Variants in ELP4 observed in about 807,000 individuals in gnomAD.
ELP4 encodes elongator acetyltransferase complex subunit 4, also known as elongator complex protein 4.
In ELP4, 51 loss-of-function variants were observed where a neutral mutation model predicts 48.9. That is an observed-to-expected ratio of 1.04 (90% CI 0.83 to 1.32). ELP4 has a LOEUF of 1.32. Ranked by LOEUF, ELP4 falls within the 40% of genes most tolerant of loss-of-function variation. The pLI is 0.00. For missense variants in ELP4, 519 were observed against 514.6 expected (o/e 1.01, Z -0.08); for synonymous variants, 210 against 189.2 (o/e 1.11, Z -0.90).
At chr11:31,644,537 CT>C (rs1945163562) in intron 7 of ELP4, among the ~76,000 whole-genome samples, 1 of 151,778 alleles carries the variant, frequency 6.6e-6, no homozygotes. Context: ...TTTCTGAACA[CT>C]GCTGGTTATA....
At chr11:31,579,413 G>T (rs1159833975) in intron 3 of ELP4, among the ~76,000 whole-genome samples, 1 of 152,256 alleles carries the variant, frequency 6.6e-6, no homozygotes, top group Admixed American at 6.5e-5. Context: ...AATACCATTA[G>T]ACCCAGCCAT....
At chr11:31,549,890 A>G (rs2133925669) in intron 3 of ELP4, among the ~76,000 whole-genome samples, 1 of 152,346 alleles carries the variant, frequency 6.6e-6, no homozygotes, top group East Asian at 1.9e-4. Flanking sequence ...CGCAAGAACA[A>G]AAACCAAACA....
intron 9 of ELP4, chr11:31,654,458 A>T (rs1945385562): frequency 1.3e-5 from 2 of 151,800 alleles, no homozygotes; most frequent in Non-Finnish European, 2.9e-5. Flanking sequence ...TTCTCACAAA[A>T]TAATTGACCA....
At chr11:31,770,406 G>T (rs979805922) in intron 9 of ELP4, among the ~76,000 whole-genome samples, 26 of 152,106 alleles carry the variant, frequency 1.7e-4, no homozygotes, top group African/African-American at 5.6e-4. Flanking sequence ...ACATGATGCT[G>T]CTGGAGAGAG....
At chr11:31,702,327 CAATAATAATAAT>C (rs36220373) in intron 9 of ELP4, among the ~76,000 whole-genome samples, 2 of 151,276 alleles carry the variant, frequency 1.3e-5, no homozygotes, top group Non-Finnish European at 2.9e-5. Context: ...ATAACAATAA[CAATAATAATAAT>C]AATAATAACA....
In ELP4 at chr11:31,783,662, T is replaced by A. The variant is rs1948429787; in HGVS notation, c.*138T>A. 5 of 813,384 alleles carry A rather than the reference T, an allele frequency of 6.1e-6. No individual in the cohort carries two copies. The South Asian group carries it at 1.5e-4, about 25-fold the overall frequency. 50.4% of individuals were successfully genotyped at this position (813,384 alleles called of 1,614,324 possible). A position where few individuals can be genotyped will look rare whatever the true frequency, so the allele number is the denominator to read the frequency against. ...CAGGATTATAAAATGGTGCCGCCATTTCTCATTTTTTAACTTTTTACAGAA... is the reference window on the plus strand; with the variant it reads ...CAGGATTATAAAATGGTGCCGCCATATCTCATTTTTTAACTTTTTACAGAA... On this transcript the variant is annotated 3_prime_UTR_variant, in exon 10 of 10. Coordinates refer to ENST00000640961, the MANE Select transcript of ELP4 (RefSeq NM_019040.5).
intron 2 of ELP4, among the ~76,000 whole-genome samples, chr11:31,522,120 T>G (rs1956223538): frequency 6.6e-6 from 1 of 152,180 alleles, no homozygotes; most frequent in Admixed American, 6.5e-5. Context: ...AAGACAGAAT[T>G]ATTCCTAACA....
At chr11:31,631,150 T>G (rs1944852603) in intron 6 of ELP4, among the ~76,000 whole-genome samples, 1 of 152,128 alleles carries the variant, frequency 6.6e-6, no homozygotes, top group African/African-American at 2.4e-5. Context: ...TAAATTCTGC[T>G]TGAAAAAGAA....
At chr11:31,549,272 A>C (rs977910359) in intron 3 of ELP4, among the ~76,000 whole-genome samples, 1 of 151,846 alleles carries the variant, frequency 6.6e-6, no homozygotes, top group Non-Finnish European at 1.5e-5. Context: ...TCTACAATGA[A>C]CTCAAACAAA....
At chr11:31,752,149 TTCACACACACAC>T (rs1292387517) in intron 9 of ELP4, among the ~76,000 whole-genome samples, 2 of 152,168 alleles carry the variant, frequency 1.3e-5, no homozygotes, top group Non-Finnish European at 2.9e-5. Flanking sequence ...TGGCAGTTTA[TTCACACACACAC>T]TCACACACAC....
rs188191201 is a variant in ELP4 at position 31,530,050 on chromosome 11, A to G, written c.260-9612A>G. Among the ~76,000 whole-genome samples the G allele has an allele frequency of 5.3e-4, 80 of 152,318 alleles. 1 individual carries two copies. The highest frequency in any genetic ancestry group is 4.8e-3 in the Admixed American group (74 of 15,302). ...TTCTTACTTTCCCAGTATAGGAGCT[A>G]GGACTTGAAGAAAAGACTTGTAGGA... On this transcript the variant is annotated intron_variant, in intron 2 of 9. Transcript: ENST00000640961.
intron 9 of ELP4, among the ~76,000 whole-genome samples, chr11:31,705,875 C>T (rs1946620495): frequency 6.6e-6 from 1 of 151,918 alleles, no homozygotes; most frequent in South Asian, 2.1e-4. Flanking sequence ...TTTTTAGAGA[C>T]AGGGTCTTGC....
At chr11:31,694,727 C>T (rs1374246243) in intron 9 of ELP4, among the ~76,000 whole-genome samples, 1 of 152,090 alleles carries the variant, frequency 6.6e-6, no homozygotes, top group Non-Finnish European at 1.5e-5. Context: ...ATGGGGATGG[C>T]ATTGACTATA....
chr11:31,621,862 T>G (rs1944629826), intron 5 of ELP4, among the ~76,000 whole-genome samples: 1 of 151,846 alleles, frequency 6.6e-6, no homozygotes, highest in African/African-American at 2.4e-5. Context: ...CTGTGGGGCT[T>G]TATCTTAGTA....
intron 9 of ELP4, among the ~76,000 whole-genome samples, chr11:31,741,363 G>A (rs528390284): frequency 5.3e-5 from 8 of 152,300 alleles, no homozygotes; most frequent in East Asian, 3.9e-4. Flanking sequence ...CTCTGCAGAC[G>A]TAAATGTCCC....
chr11:31,714,935 T>G (rs1186385885), intron 9 of ELP4: 1 of 396,972 alleles, frequency 2.5e-6, no homozygotes, highest in East Asian at 3.6e-5. Context: ...TCTTTCACCT[T>G]AATTCCTCTT....
intron 3 of ELP4, among the ~76,000 whole-genome samples, chr11:31,550,024 T>C (rs1956815375): frequency 6.6e-6 from 1 of 152,036 alleles, no homozygotes; most frequent in Admixed American, 6.6e-5. Flanking sequence ...TTGGGAGATA[T>C]ACCTAATGCT....
In ELP4 at chr11:31,515,255, A is replaced by G. The variant is rs183708758; in HGVS notation, c.224-4801A>G. 1.1e-4 allele frequency among the ~76,000 whole-genome samples: 16 copies of G among 152,212 alleles called. No individual in the cohort carries two copies. In the East Asian group the frequency reaches 2.9e-3, roughly 27 times the overall value. ...TGATAGAACCTTCTTACCTTTTTGTAAAAGAAGTTTGAGAAGATATTTGGT... is the reference window on the plus strand; with the variant it reads ...TGATAGAACCTTCTTACCTTTTTGTGAAAGAAGTTTGAGAAGATATTTGGT... On this transcript the variant is annotated intron_variant, in intron 1 of 9. Coordinates refer to ENST00000640961, the MANE Select transcript of ELP4 (RefSeq NM_019040.5).
At chr11:31,534,203 A>G (rs1956460653) in intron 2 of ELP4, among the ~76,000 whole-genome samples, 1 of 152,102 alleles carries the variant, frequency 6.6e-6, no homozygotes, top group Non-Finnish European at 1.5e-5. Flanking sequence ...CAAATCCCAC[A>G]AATACTTTGA....
Sources: gnomAD v4.1 joint callset for allele counts (sites outside exome capture counted in the v4.1 genomes callset) on GRCh38, gnomAD v4.1.1 for gene constraint, MANE v1.5 for transcripts, NCBI Gene and HGNC (gene_info 2026-07-23, HGNC 2026-07-21) for gene names.